Variants in TRIM9 observed in about 807,000 individuals in gnomAD.
The protein encoded by TRIM9 is tripartite motif containing 9.
In TRIM9, 26 loss-of-function variants were observed where a neutral mutation model predicts 78.3. The observed-to-expected ratio is 0.33, with a 90% confidence interval of 0.24 to 0.46. TRIM9 has a LOEUF of 0.46. Ranked by LOEUF, TRIM9 falls within the 20% of genes least tolerant of loss-of-function variation. The pLI, the probability that TRIM9 is intolerant of heterozygous loss-of-function variation, is 1.00. For missense variants in TRIM9, 787 were observed against 1,036.4 expected (o/e 0.76, Z 3.30); for synonymous variants, 398 against 416.5 (o/e 0.96, Z 0.54).
intron 5 of TRIM9, among the ~76,000 whole-genome samples, chr14:51,008,346 A>G (rs965536106): frequency 1.3e-5 from 2 of 152,250 alleles, no homozygotes; most frequent in Non-Finnish European, 2.9e-5. Flanking sequence ...AAGCTGGGTA[A>G]AAGATGAACA....
intron 1 of TRIM9, among the ~76,000 whole-genome samples, chr14:51,081,240 T>C (rs558887499): frequency 1.1e-4 from 16 of 152,168 alleles, no homozygotes; most frequent in Non-Finnish European, 1.5e-4. Flanking sequence ...AATAAGCACA[T>C]GAAAAGATTC....
chr14:51,070,888 A>G (rs180827451), intron 1 of TRIM9, among the ~76,000 whole-genome samples: 23 of 152,232 alleles, frequency 1.5e-4, no homozygotes, highest in Admixed American at 8.5e-4. Context: ...ACATTCCTAG[A>G]CGTTTTCTTT....
intron 1 of TRIM9, among the ~76,000 whole-genome samples, chr14:51,075,366 TA>T (rs1040940076): frequency 1.2e-4 from 18 of 152,234 alleles, no homozygotes; most frequent in South Asian, 4.1e-4. Context: ...TTTTTTTCTT[TA>T]AAAAAAATGT....
Position 50,977,275 on chromosome 14 carries a change from C to T in TRIM9, c.*16G>A. ...CGGAGGTAAGAACAGGCAGCTGGCG[C>T]CTCCACGGCACATCCTTAGGCTATT... On this transcript the variant is annotated 3_prime_UTR_variant, in exon 13 of 13. Coordinates refer to ENST00000684578, the MANE Select transcript of TRIM9 (RefSeq NM_001387360.1). 2 of 1,473,204 alleles carry T rather than the reference C, an allele frequency of 1.4e-6. No individual in the cohort carries two copies. The highest frequency in any genetic ancestry group is 1.8e-6 in the Non-Finnish European group (2 of 1,104,376). 91.3% of individuals were successfully genotyped at this position (1,473,204 alleles called of 1,614,324 possible). A position where few individuals can be genotyped will look rare whatever the true frequency, so the allele number is the denominator to read the frequency against.
At chr14:51,090,468 A>G (rs2064199090) in intron 1 of TRIM9, among the ~76,000 whole-genome samples, 1 of 152,260 alleles carries the variant, frequency 6.6e-6, no homozygotes, top group South Asian at 2.1e-4. Flanking sequence ...TTATAAAAAC[A>G]AAGGTAAGAG....
At chr14:51,048,578 A>C (rs1488708503) in intron 1 of TRIM9, among the ~76,000 whole-genome samples, 1 of 152,248 alleles carries the variant, frequency 6.6e-6, no homozygotes, top group Non-Finnish European at 1.5e-5. Flanking sequence ...GATCCTAGGC[A>C]CATAAACAAA....
intron 1 of TRIM9, among the ~76,000 whole-genome samples, chr14:51,050,258 T>C (rs1451209584): frequency 6.6e-6 from 1 of 152,180 alleles, no homozygotes; most frequent in Non-Finnish European, 1.5e-5. Flanking sequence ...CTTCCATGTG[T>C]TGTGGGAGGG....
At chr14:51,014,258 GA>G (rs1718046440) in intron 3 of TRIM9, among the ~76,000 whole-genome samples, 1 of 152,152 alleles carries the variant, frequency 6.6e-6, no homozygotes, top group South Asian at 2.1e-4. Flanking sequence ...GGAGCTATCT[GA>G]GTGCTGGGGC....
rs188320815 is a variant in TRIM9, at chr14:51,019,322, G to A, written c.1041+3513C>T. Among the ~76,000 whole-genome samples the A allele has an allele frequency of 5.3e-5, 8 of 152,280 alleles. No individual in the cohort carries two copies. In the East Asian group the frequency reaches 1.3e-3, roughly 26 times the overall value. ...TTCCCTCAGTAGCTTTCTGACATTC[G>A]CATTAGTTCACCACATTCTGAAAAT... On this transcript the variant is annotated intron_variant, in intron 3 of 12. Coordinates refer to ENST00000684578, the MANE Select transcript of TRIM9 (RefSeq NM_001387360.1).
chr14:51,021,015 T>C (rs2057708844), intron 3 of TRIM9, among the ~76,000 whole-genome samples: 1 of 152,252 alleles, frequency 6.6e-6, no homozygotes, highest in African/African-American at 2.4e-5. Flanking sequence ...TGTTCCACTA[T>C]TTAGCGGGGA....
chr14:50,992,775 T>C (rs143694998), intron 7 of TRIM9, among the ~76,000 whole-genome samples: 1,754 of 152,310 alleles, frequency 0.012, 5 homozygotes, highest in Non-Finnish European at 0.019. Context: ...GGCAGCGTGA[T>C]GCTGAGAGTC....
At chr14:51,060,633 A>AT (rs377446839) in intron 1 of TRIM9, among the ~76,000 whole-genome samples, 1 of 151,980 alleles carries the variant, frequency 6.6e-6, no homozygotes, top group African/African-American at 2.4e-5. Context: ...CGCCCGGCTA[A>AT]TTTTTTTGTA....
chr14:51,024,900 C>T (rs752230466), intron 2 of TRIM9, among the ~76,000 whole-genome samples: 23 of 152,018 alleles, frequency 1.5e-4, no homozygotes, highest in Non-Finnish European at 2.8e-4. Context: ...TTAAATGATA[C>T]AATTATTACA....
chr14:51,062,466 G>A (rs926499004), intron 1 of TRIM9, among the ~76,000 whole-genome samples: 2 of 152,082 alleles, frequency 1.3e-5, no homozygotes, highest in Non-Finnish European at 2.9e-5. Flanking sequence ...CCTCATATAA[G>A]TATCAATTAT....
intron 1 of TRIM9, among the ~76,000 whole-genome samples, chr14:51,060,628 G>A (rs756409559): frequency 1.3e-4 from 20 of 152,028 alleles, no homozygotes; most frequent in Non-Finnish European, 2.6e-4. Context: ...CACCACGCCC[G>A]GCTAATTTTT....
At chr14:51,067,657 G>C (rs574708198) in intron 1 of TRIM9, among the ~76,000 whole-genome samples, 1 of 151,402 alleles carries the variant, frequency 6.6e-6, no homozygotes, top group Non-Finnish European at 1.5e-5. Context: ...TCATCTGTTC[G>C]GCTGGCCCTT....
rs1379603317 is a variant in TRIM9 at position 50,986,145 on chromosome 14, C to T, written c.1604-1G>A. Reference sequence around the variant, plus strand: ...AGGGTCTGTTCTTCTGAATCTGTGTCTAAATGTAAGATCAATGCAAACTAG... The same window carrying T: ...AGGGTCTGTTCTTCTGAATCTGTGTTTAAATGTAAGATCAATGCAAACTAG... On this transcript the variant is annotated splice_acceptor_variant, in intron 7 of 12. Coordinates refer to ENST00000684578, the MANE Select transcript of TRIM9 (RefSeq NM_001387360.1). LOFTEE classifies it high-confidence loss of function. 4.6e-6 allele frequency: 7 copies of T among 1,510,504 alleles called. No individual in the cohort carries two copies. The highest frequency in any genetic ancestry group is 4.3e-5 in the Admixed American group (2 of 46,504). The allele number at this position is 1,510,504 out of a possible 1,614,324, so 93.6% of individuals were successfully genotyped here.
At chr14:51,055,978 T>G (rs964239244) in intron 1 of TRIM9, among the ~76,000 whole-genome samples, 3 of 152,256 alleles carry the variant, frequency 2.0e-5, no homozygotes, top group Non-Finnish European at 4.4e-5. Context: ...GATGCAATCC[T>G]CTGCCACAGA....
At chr14:51,059,802 A>AAC (rs1566625218) in intron 1 of TRIM9, among the ~76,000 whole-genome samples, 5 of 151,558 alleles carry the variant, frequency 3.3e-5, no homozygotes. Flanking sequence ...TGTCTCAAAA[A>AAC]AAAAAAAACA....
Sources: gnomAD v4.1 joint callset for allele counts (sites outside exome capture counted in the v4.1 genomes callset) on GRCh38, gnomAD v4.1.1 for gene constraint, MANE v1.5 for transcripts, NCBI Gene and HGNC (gene_info 2026-07-23, HGNC 2026-07-21) for gene names.